The following CACNA1D variants were observed in gnomAD, a reference collection of about 807,000 sequenced individuals.
CACNA1D encodes the protein voltage-dependent L-type calcium channel subunit alpha-1D.
A neutral mutation model predicts 257.1 loss-of-function variants in CACNA1D; 55 were observed. The ratio of observed to expected loss-of-function variants is 0.21; its 90% CI spans 0.17 to 0.27. The LOEUF (loss-of-function observed/expected upper bound fraction) is 0.27. Among genes scored for constraint, CACNA1D ranks in the 10% least tolerant of loss-of-function variants. The pLI is 1.00. For synonymous variants in CACNA1D, 980 were observed against 1,014.9 expected (o/e 0.97, Z 0.65); for missense variants, 1,876 against 2,784.0 (o/e 0.67, Z 7.34).
At chr3:53,797,562 T>TCC in intron 40 of CACNA1D, among the ~76,000 whole-genome samples, 1 of 152,326 alleles carries the variant, frequency 6.6e-6, no homozygotes, top group Middle Eastern at 3.4e-3. Context: ...CTTTCAACCT[T>TCC]CTCCATGATT....
chr3:53,558,473 G>T lies in CACNA1D; in HGVS notation c.483+56753G>T, dbSNP rs551718381. The stretch of plus-strand genomic sequence containing the variant: ...CAATTTTCCATTTCTTCTAGAGTCA[G>T]TTTCAGTAGTAGTTATTTATTTATT... On this transcript the variant is annotated intron_variant, in intron 3 of 47. Transcript: ENST00000350061. 3.3e-5 allele frequency among the ~76,000 whole-genome samples: 5 copies of T among 152,236 alleles called. No homozygotes were observed. In the South Asian group the frequency reaches 6.2e-4, roughly 19 times the overall value.
intron 8 of CACNA1D, among the ~76,000 whole-genome samples, chr3:53,702,266 T>C (rs956127755): frequency 6.6e-6 from 1 of 152,234 alleles, no homozygotes; most frequent in African/African-American, 2.4e-5. Context: ...GTCCCTCCTC[T>C]TTGAGGAGGC....
rs551425045 is a variant in CACNA1D at position 53,696,373 on chromosome 3, C to T, written c.1221-6268C>T. 3.3e-5 allele frequency among the ~76,000 whole-genome samples: 5 copies of T among 152,336 alleles called. No homozygotes were observed. In the South Asian group the frequency reaches 1.0e-3, roughly 32 times the overall value. ...GTTGAGGTGCTTAGGGTAGATTCAG[C>T]AGCTGCATGGCCTTGTGTGCCCACG... On this transcript the variant is annotated intron_variant, in intron 8 of 47. Transcript: ENST00000350061.
intron 31 of CACNA1D, 118 bp downstream of exon 31, chr3:53,770,135 G>T (rs930057601): frequency 2.2e-6 from 2 of 896,644 alleles, no homozygotes; most frequent in Middle Eastern, 2.3e-4. Context: ...AACAGTGTCT[G>T]CAGTGGTTTG....
At chr3:53,644,252 A>G (rs1432841265) in intron 3 of CACNA1D, among the ~76,000 whole-genome samples, 5 of 152,206 alleles carry the variant, frequency 3.3e-5, no homozygotes, top group Admixed American at 6.5e-5. Flanking sequence ...TGATATATGC[A>G]TACACTGCGG....
In CACNA1D at chr3:53,732,159, C is replaced by T. The variant is rs571768569; in HGVS notation, c.2473+77C>T. 1.9e-4 allele frequency: 213 copies of T among 1,148,904 alleles called. No individual in the cohort carries two copies. In the Middle Eastern group the frequency reaches 2.0e-3, roughly 11 times the overall value. The allele number at this position is 1,148,904 out of a possible 1,614,324, so 71.2% of individuals were successfully genotyped here. On this transcript the variant is annotated intron_variant, in intron 18 of 47. Coordinates refer to ENST00000350061, the MANE Select transcript of CACNA1D (RefSeq NM_001128840.3). ...GCTCTGTGACCACCTGCCGAGTCTG[C>T]GGCCAGCCAGCCCAGCAGCGTGCAC...
chr3:53,495,126 C>A lies in CACNA1D; in HGVS notation c.-41C>A. ...TCCGCCCCCGCCTCAACGCCCAGCACAGTGCCCTGCACACAGTAGTCGCTC... is the reference window on the plus strand; with the variant it reads ...TCCGCCCCCGCCTCAACGCCCAGCAAAGTGCCCTGCACACAGTAGTCGCTC... On this transcript the variant is annotated 5_prime_UTR_variant, in exon 1 of 48. Transcript: ENST00000350061. The surrounding 1 kb of genome is among the most constrained non-coding windows in gnomAD (Gnocchi z 5.1). 1 of 1,547,534 alleles carries A rather than the reference C, an allele frequency of 6.5e-7. No individual in the cohort carries two copies. Among genetic ancestry groups the A allele is most frequent in the Non-Finnish European group, 8.9e-7 (1 of 1,122,466 alleles).
chr3:53,802,042 G>T (rs2095538811), intron 42 of CACNA1D, 105 bp from the exon 43 acceptor site: 1 of 982,772 alleles, frequency 1.0e-6, no homozygotes, highest in African/African-American at 1.6e-5. Context: ...ATCATAATTT[G>T]CTAACCCCTA....
At chr3:53,654,587 T>C (rs1171838307) in intron 4 of CACNA1D, among the ~76,000 whole-genome samples, 2 of 152,164 alleles carry the variant, frequency 1.3e-5, no homozygotes, top group South Asian at 2.1e-4. Context: ...TGAGCCTTTT[T>C]TTCCCCCACC....
intron 40 of CACNA1D, among the ~76,000 whole-genome samples, chr3:53,787,708 A>G (rs568147212): frequency 6.6e-6 from 1 of 152,106 alleles, no homozygotes. Flanking sequence ...AGGTATGTGG[A>G]GGGGCAAGGA....
intron 3 of CACNA1D, among the ~76,000 whole-genome samples, chr3:53,628,442 C>T (rs1257917361): frequency 1.3e-5 from 2 of 152,192 alleles, no homozygotes; most frequent in East Asian, 1.9e-4. Flanking sequence ...CTCCCTAACC[C>T]AATTCTAAAG....
chr3:53,770,727 A>G (rs759024175), intron 32 of CACNA1D, among the ~76,000 whole-genome samples, 175 bp downstream of exon 32: 2 of 152,228 alleles, frequency 1.3e-5, no homozygotes, highest in Admixed American at 6.5e-5. Flanking sequence ...GGTCAATCAC[A>G]TGGGATTACT....
At chr3:53,657,065 T>G (rs1367284076) in intron 4 of CACNA1D, among the ~76,000 whole-genome samples, 1 of 152,160 alleles carries the variant, frequency 6.6e-6, no homozygotes, top group Admixed American at 6.5e-5. Flanking sequence ...TAGGTGTTTA[T>G]CCAAGAAAAA....
chr3:53,501,036 C>T (rs907565974), intron 2 of CACNA1D, among the ~76,000 whole-genome samples: 1 of 152,198 alleles, frequency 6.6e-6, no homozygotes, highest in Non-Finnish European at 1.5e-5. Context: ...AAGCCTGGCT[C>T]GCTGCTGATC....
At chr3:53,783,326 A>G (rs2095435778) in intron 39 of CACNA1D, among the ~76,000 whole-genome samples, 2 of 152,198 alleles carry the variant, frequency 1.3e-5, no homozygotes, top group African/African-American at 4.8e-5. Flanking sequence ...TCCAGAATTT[A>G]GCTCGCCATC....
At chr3:53,650,974 G>T (rs1219573414) in intron 4 of CACNA1D, 56 bp downstream of exon 4, 17 of 1,305,062 alleles carry the variant, frequency 1.3e-5, no homozygotes, top group Non-Finnish European at 1.7e-5. Context: ...GGTGGAGGTT[G>T]GGGGGGGTGG....
chr3:53,589,129 C>T (rs2093265035), intron 3 of CACNA1D, among the ~76,000 whole-genome samples: 1 of 152,164 alleles, frequency 6.6e-6, no homozygotes, highest in African/African-American at 2.4e-5. Context: ...AATATTTCAT[C>T]AAATGAACTT....
At chr3:53,645,579 T>G (rs1409990360) in intron 3 of CACNA1D, among the ~76,000 whole-genome samples, 2 of 152,186 alleles carry the variant, frequency 1.3e-5, no homozygotes, top group Admixed American at 1.3e-4. Context: ...GACTGTCCTT[T>G]CCCCACTCTG....
At chr3:53,682,548 C>A (rs531629059) in intron 8 of CACNA1D, among the ~76,000 whole-genome samples, 113 of 134,256 alleles carry the variant, frequency 8.4e-4, no homozygotes, top group African/African-American at 3.0e-3. Context: ...CAGAGTGAGA[C>A]CCTGTCTTAA....
Sources: gnomAD v4.1 joint callset for allele counts (sites outside exome capture counted in the v4.1 genomes callset) on GRCh38, gnomAD v4.1.1 for gene constraint, Gnocchi (gnomAD v3.1) non-coding constraint, MANE v1.5 for transcripts, NCBI Gene and HGNC (gene_info 2026-07-23, HGNC 2026-07-21) for gene names.